Variants in ABCC4 observed in about 807,000 individuals in gnomAD.
The protein encoded by ABCC4 is ATP-binding cassette sub-family C member 4.
A neutral mutation model predicts 168.5 loss-of-function variants in ABCC4; 102 were observed. The observed-to-expected ratio is 0.61, with a 90% CI of 0.52 to 0.71. ABCC4 has a LOEUF of 0.71. Among genes scored for constraint, ABCC4 ranks in the 30% least tolerant of loss-of-function variants. ABCC4 has a pLI of 0.00. For missense variants in ABCC4, 1,402 were observed against 1,605.8 expected (o/e 0.87, Z 2.17); for synonymous variants, 617 against 590.7 (o/e 1.04, Z -0.65).
chr13:95,202,137 G>A (rs921563850), intron 8 of ABCC4, among the ~76,000 whole-genome samples: 2 of 152,156 alleles, frequency 1.3e-5, no homozygotes, highest in Non-Finnish European at 2.9e-5. Flanking sequence ...TGTCAGCGGG[G>A]CTCATCCAAT....
At chr13:95,292,868 C>T (rs2041436513) in intron 1 of ABCC4, among the ~76,000 whole-genome samples, 1 of 152,050 alleles carries the variant, frequency 6.6e-6, no homozygotes, top group Non-Finnish European at 1.5e-5. Flanking sequence ...GGAGCTACGT[C>T]GCAGGCCACA....
chr13:95,202,533 C>G (rs893072329), intron 8 of ABCC4, among the ~76,000 whole-genome samples: 2 of 152,240 alleles, frequency 1.3e-5, no homozygotes, highest in African/African-American at 4.8e-5. Flanking sequence ...CGTCCCACCC[C>G]GCCATACCAC....
chr13:95,224,344 G>A (rs912076976), intron 4 of ABCC4, among the ~76,000 whole-genome samples: 3 of 151,750 alleles, frequency 2.0e-5, no homozygotes, highest in Non-Finnish European at 2.9e-5. Flanking sequence ...CTATCACCCA[G>A]AATTCAACAT....
At chr13:95,227,404 G>A (rs1394597366) in intron 4 of ABCC4, among the ~76,000 whole-genome samples, 2 of 144,976 alleles carry the variant, frequency 1.4e-5, no homozygotes, top group Non-Finnish European at 3.2e-5. Context: ...AAAACTGTGG[G>A]GGAGAAAAGT....
intron 27 of ABCC4, among the ~76,000 whole-genome samples, chr13:95,051,158 G>A (rs552308678): frequency 5.9e-5 from 9 of 152,134 alleles, no homozygotes; most frequent in Non-Finnish European, 1.0e-4. Flanking sequence ...TGAAGTAATC[G>A]ACCTAATTTA....
At chr13:95,025,172 C>A (rs1273747750) in intron 30 of ABCC4, among the ~76,000 whole-genome samples, 1 of 145,254 alleles carries the variant, frequency 6.9e-6, no homozygotes, top group Admixed American at 6.8e-5. Flanking sequence ...CACATACACA[C>A]ACACACCCAC....
In ABCC4 at chr13:95,164,424, T is replaced by C; in HGVS notation, c.2129A>G (p.His710Arg). The C allele has an allele frequency of 6.2e-7, 1 of 1,614,182 alleles. No individual in the cohort carries two copies. The highest frequency in any genetic ancestry group is 8.5e-7 in the Non-Finnish European group (1 of 1,180,032). ...AYKNYFRAGA[H>R]WIVFIFLILL... is the part of the protein sequence containing the mutation. ...AATAAGGAAAATGAAGACAATCCAG[T>C]GAGCACCAGCTCTGAAGTAATTCTT... is the stretch of plus-strand genomic sequence containing the variant. The change falls in exon 16 of 31, where the codon CAC becomes CGC. Residue 710 changes from histidine (H) to arginine (R), a missense_variant. Around this residue, in one of 3 missense-constraint regions of ABCC4, gnomAD observed 1,007 missense variants for 1,127.3 expected, o/e 0.89. Coordinates refer to ENST00000645237, the MANE Select transcript of ABCC4 (RefSeq NM_005845.5).
intron 3 of ABCC4, among the ~76,000 whole-genome samples, chr13:95,244,638 AAAG>A (rs1187685699): frequency 1.4e-5 from 1 of 71,226 alleles, no homozygotes; most frequent in Non-Finnish European, 3.0e-5. Context: ...AGAAAGAAAG[AAAG>A]AAAGAAAGAA....
intron 13 of ABCC4, among the ~76,000 whole-genome samples, chr13:95,177,027 A>C (rs1472573858): frequency 2.0e-5 from 3 of 152,228 alleles, no homozygotes; most frequent in Non-Finnish European, 4.4e-5. Flanking sequence ...TTGGGAGGGA[A>C]GCCAGATTCT....
intron 20 of ABCC4, among the ~76,000 whole-genome samples, chr13:95,111,139 T>G (rs1340667660): frequency 1.3e-5 from 2 of 152,234 alleles, no homozygotes; most frequent in African/African-American, 2.4e-5. Flanking sequence ...AAGTTCCAGA[T>G]GAAGATCTTT....
intron 20 of ABCC4, among the ~76,000 whole-genome samples, chr13:95,087,192 A>T (rs2034285194): frequency 1.3e-5 from 2 of 152,118 alleles, no homozygotes; most frequent in South Asian, 4.1e-4. Context: ...TTATTTTGGG[A>T]ACACATGAGA....
At chr13:95,256,378 G>A (rs566103612) in intron 1 of ABCC4, among the ~76,000 whole-genome samples, 26 of 152,338 alleles carry the variant, frequency 1.7e-4, no homozygotes, top group Non-Finnish European at 2.2e-4. Context: ...AGCAAGGCCC[G>A]TGTGGCCACC....
At chr13:95,198,943 C>G (rs1180987043) in intron 8 of ABCC4, among the ~76,000 whole-genome samples, 1 of 152,048 alleles carries the variant, frequency 6.6e-6, no homozygotes. Flanking sequence ...GAACATCACA[C>G]ACCAGGGCCT....
At chr13:95,159,354 G>A (rs1211256522) in intron 19 of ABCC4, among the ~76,000 whole-genome samples, 2 of 151,716 alleles carry the variant, frequency 1.3e-5, no homozygotes, top group African/African-American at 4.8e-5. Flanking sequence ...GACCTCTCTT[G>A]GGGTACTTAT....
intron 18 of ABCC4, among the ~76,000 whole-genome samples, chr13:95,162,520 G>A (rs150847123): frequency 6.6e-6 from 1 of 152,186 alleles, no homozygotes; most frequent in Non-Finnish European, 1.5e-5. Flanking sequence ...AGTTGGGGAC[G>A]CGATAACATT....
At chr13:95,053,210 A>T in intron 26 of ABCC4, 26 bp from the exon 27 acceptor site, 1 of 1,557,396 alleles carries the variant, frequency 6.4e-7, no homozygotes, top group Non-Finnish European at 8.9e-7. Flanking sequence ...AGTCACGGTC[A>T]TTACCACAGA....
intron 19 of ABCC4, among the ~76,000 whole-genome samples, chr13:95,129,707 C>A (rs1007398026): frequency 2.0e-5 from 3 of 151,964 alleles, no homozygotes; most frequent in African/African-American, 7.3e-5. Flanking sequence ...AGCTTCCTTC[C>A]CAAATTAAAT....
intron 21 of ABCC4, 84 bp downstream of exon 21, chr13:95,083,056 C>A: frequency 6.8e-7 from 1 of 1,471,054 alleles, no homozygotes; most frequent in Non-Finnish European, 9.2e-7. Flanking sequence ...ACAGAGTCTG[C>A]CGAATTTCAG....
In ABCC4 at chr13:95,188,406, A is replaced by G. The variant is rs11568687; in HGVS notation, c.1353+47T>C. The G allele has an allele frequency of 2.4e-3, 3,788 of 1,552,034 alleles. 8 individuals carry two copies. Among genetic ancestry groups the G allele is most frequent in the Non-Finnish European group, 3.1e-3 (3,491 of 1,123,442 alleles). On this transcript the variant is annotated intron_variant, in intron 10 of 30. Coordinates refer to ENST00000645237, the MANE Select transcript of ABCC4 (RefSeq NM_005845.5). Reference sequence around the variant, plus strand: ...TTGGGCTCAAACCCACGAAGTTAATATGATAAGTGGGGTTGCAACAAGCTG... The same window carrying G: ...TTGGGCTCAAACCCACGAAGTTAATGTGATAAGTGGGGTTGCAACAAGCTG...
Sources: allele counts gnomAD v4.1 joint callset (sites outside exome capture counted in the v4.1 genomes callset), GRCh38; gene constraint gnomAD v4.1.1; regional missense constraint gnomAD v4.1.1; transcripts MANE v1.5; gene names NCBI Gene and HGNC (gene_info 2026-07-23, HGNC 2026-07-21).